ADAMTSL1: variants seen among roughly 807,000 people sequenced by gnomAD.
The protein encoded by ADAMTSL1 is ADAMTS-like protein 1.
A neutral mutation model predicts 201.8 loss-of-function variants in ADAMTSL1; 126 were observed. The observed-to-expected ratio is 0.62, with a 90% CI of 0.54 to 0.72. ADAMTSL1 has a LOEUF of 0.72. ADAMTSL1 is among the 30% of genes least tolerant of loss of function. ADAMTSL1 has a pLI of 0.00. For missense variants in ADAMTSL1, 2,679 were observed against 2,277.8 expected (o/e 1.18, Z -3.59); for synonymous variants, 1,121 against 903.4 (o/e 1.24, Z -4.32).
chr9:18,216,928 A>T (rs1416680594), intron 2 of ADAMTSL1, among the ~76,000 whole-genome samples: 1 of 151,814 alleles, frequency 6.6e-6, no homozygotes, highest in African/African-American at 2.4e-5. Flanking sequence ...CTTTTATTTG[A>T]CTCAGTTTTC....
At chr9:18,786,430 T>C (rs1389615050) in intron 19 of ADAMTSL1, among the ~76,000 whole-genome samples, 2 of 152,234 alleles carry the variant, frequency 1.3e-5, no homozygotes, top group Non-Finnish European at 2.9e-5. Context: ...CACTTAGTAT[T>C]GTGAGTCTAC....
chr9:18,614,490 T>C (rs1825580148), intron 4 of ADAMTSL1, among the ~76,000 whole-genome samples: 1 of 152,192 alleles, frequency 6.6e-6, no homozygotes, highest in Admixed American at 6.5e-5. Flanking sequence ...TTTTCAAGGT[T>C]ATTACAAGAA....
intron 2 of ADAMTSL1, among the ~76,000 whole-genome samples, chr9:18,375,124 T>A (rs1296994857): frequency 6.6e-6 from 1 of 152,224 alleles, no homozygotes; most frequent in Non-Finnish European, 1.5e-5. Flanking sequence ...CCAGCCATAG[T>A]ACACTCACTC....
intron 2 of ADAMTSL1, among the ~76,000 whole-genome samples, chr9:18,344,253 A>T (rs1835599494): frequency 1.3e-5 from 2 of 150,876 alleles, no homozygotes; most frequent in Non-Finnish European, 3.0e-5. Flanking sequence ...CTCATAAAAA[A>T]CTCTTCAGAT....
At chr9:18,794,039 A>AT (rs1407675942) in intron 19 of ADAMTSL1, among the ~76,000 whole-genome samples, 1 of 151,866 alleles carries the variant, frequency 6.6e-6, no homozygotes, top group Admixed American at 6.6e-5. Flanking sequence ...AAAAAAAAAA[A>AT]GTCTGAAGTA....
intron 4 of ADAMTSL1, among the ~76,000 whole-genome samples, chr9:18,593,957 T>A (rs999489185): frequency 6.6e-6 from 1 of 152,166 alleles, no homozygotes; most frequent in African/African-American, 2.4e-5. Flanking sequence ...GTCCAGTGTT[T>A]CTTTGTAGAT....
rs567875514 is a variant in ADAMTSL1 at position 17,964,664 on chromosome 9, T to C, written c.87+57742T>C. ...GATATCAATGTTAATATCTTTGTTA[T>C]GCTCTTGTACTGTAGTGGTAGAAGA... On this transcript the variant is annotated intron_variant, in intron 1 of 29. Coordinates refer to the ADAMTSL1 transcript ENST00000680146. Among the ~76,000 whole-genome samples the C allele has an allele frequency of 3.3e-5, 5 of 152,320 alleles. No individual in the cohort carries two copies. The East Asian group carries it at 9.7e-4, about 29-fold the overall frequency.
chr9:18,014,310 G>A (rs553129838), intron 1 of ADAMTSL1, among the ~76,000 whole-genome samples: 3 of 152,040 alleles, frequency 2.0e-5, no homozygotes, highest in African/African-American at 7.2e-5. Flanking sequence ...AAATTCAGAG[G>A]TTTCAACAAC....
chr9:18,273,932 A>G (rs1832484331), intron 2 of ADAMTSL1, among the ~76,000 whole-genome samples: 1 of 152,232 alleles, frequency 6.6e-6, no homozygotes, highest in Non-Finnish European at 1.5e-5. Context: ...TATGCATTAA[A>G]TTCTGGAAAT....
At chr9:18,367,761 C>T (rs887581990) in intron 2 of ADAMTSL1, among the ~76,000 whole-genome samples, 71 of 152,176 alleles carry the variant, frequency 4.7e-4, no homozygotes, top group African/African-American at 1.6e-3. Context: ...ACACATTTAT[C>T]GGCACAGAGT....
chr9:18,551,280 A>G (rs1474545639), intron 3 of ADAMTSL1, among the ~76,000 whole-genome samples: 1 of 151,870 alleles, frequency 6.6e-6, no homozygotes, highest in East Asian at 1.9e-4. Context: ...CAACTTGCTC[A>G]TAATATATTA....
chr9:18,723,321 A>T, intron 15 of ADAMTSL1: 1 of 549,732 alleles, frequency 1.8e-6, no homozygotes, highest in Non-Finnish European at 3.3e-6. Flanking sequence ...AAAAACATGC[A>T]AAAGGGTCTT....
At chr9:18,571,501 A>T (rs1822298995) in intron 3 of ADAMTSL1, among the ~76,000 whole-genome samples, 1 of 152,206 alleles carries the variant, frequency 6.6e-6, no homozygotes, top group African/African-American at 2.4e-5. Flanking sequence ...TCCTGGGATG[A>T]TAGGTACTAT....
intron 13 of ADAMTSL1, among the ~76,000 whole-genome samples, chr9:18,696,589 G>T (rs1463605086): frequency 6.6e-6 from 1 of 152,126 alleles, no homozygotes; most frequent in Non-Finnish European, 1.5e-5. Context: ...GGCTATTGTG[G>T]TAGTCCAGCA....
chr9:18,521,256 G>A (rs1289385178), intron 2 of ADAMTSL1, among the ~76,000 whole-genome samples: 1 of 152,120 alleles, frequency 6.6e-6, no homozygotes, highest in Non-Finnish European at 1.5e-5. Context: ...CTGGAAGCAT[G>A]TGGCAGAGAG....
intron 23 of ADAMTSL1, among the ~76,000 whole-genome samples, chr9:18,862,649 G>C (rs1827281659): frequency 6.6e-6 from 1 of 152,144 alleles, no homozygotes; most frequent in African/African-American, 2.4e-5. Flanking sequence ...TCTGACCTAG[G>C]ACTCTCCTCA....
At chr9:18,822,042 G>A (rs942682858) in intron 21 of ADAMTSL1, among the ~76,000 whole-genome samples, 4 of 152,274 alleles carry the variant, frequency 2.6e-5, no homozygotes, top group Admixed American at 2.6e-4. Flanking sequence ...TGGGGCTGTT[G>A]AAAAGATACA....
At chr9:17,937,433 G>A (rs1164145739) in intron 1 of ADAMTSL1, among the ~76,000 whole-genome samples, 1 of 152,030 alleles carries the variant, frequency 6.6e-6, no homozygotes, top group Non-Finnish European at 1.5e-5. Flanking sequence ...AATATAGCCA[G>A]TGCTAGACTT....
At chr9:18,208,384 T>C (rs1809755653) in intron 2 of ADAMTSL1, among the ~76,000 whole-genome samples, 1 of 152,250 alleles carries the variant, frequency 6.6e-6, no homozygotes, top group South Asian at 2.1e-4. Context: ...AGTCTGGGCA[T>C]TGATGCTGGG....
Sources: allele counts gnomAD v4.1 joint callset (sites outside exome capture counted in the v4.1 genomes callset), GRCh38; gene constraint gnomAD v4.1.1; transcripts MANE v1.5; gene names NCBI Gene and HGNC (gene_info 2026-07-23, HGNC 2026-07-21).